The following TNRC18 variants were observed in gnomAD, a reference collection of about 807,000 sequenced individuals.
The protein encoded by TNRC18 is trinucleotide repeat-containing gene 18 protein.
In TNRC18, 69 loss-of-function variants were observed where a neutral mutation model predicts 226.7. The observed-to-expected ratio is 0.30, with a 90% CI of 0.25 to 0.37. The LOEUF (loss-of-function observed/expected upper bound fraction) is 0.37, where lower values mean the gene tolerates loss of function less well. Among genes scored for constraint, TNRC18 ranks in the 10% least tolerant of loss-of-function variants. The pLI is 1.00. For synonymous variants in TNRC18, 2,449 were observed against 1,927.6 expected, an observed-to-expected ratio of 1.27 and a Z score of -7.09; for missense variants, 4,754 against 4,256.6, an observed-to-expected ratio of 1.12 and a Z score of -3.25.
intron 19 of TNRC18, among the ~76,000 whole-genome samples, chr7:5,326,581 G>C (rs943436083): frequency 1.3e-5 from 2 of 152,086 alleles, no homozygotes; most frequent in African/African-American, 4.8e-5. Flanking sequence ...AAGTAGCTTG[G>C]ACTACAGACA....
At chr7:5,328,743 C>G (rs941870091) in intron 19 of TNRC18, among the ~76,000 whole-genome samples, 20 of 151,926 alleles carry the variant, frequency 1.3e-4, no homozygotes, top group Non-Finnish European at 2.5e-4. Context: ...AACTCCTGAC[C>G]TCGTGATCCA....
intron 5 of TNRC18, among the ~76,000 whole-genome samples, chr7:5,383,517 G>C (rs1221706890): frequency 6.6e-6 from 1 of 152,150 alleles, no homozygotes; most frequent in African/African-American, 2.4e-5. Context: ...TCTTGTTCAA[G>C]GTTACGTAGC....
intron 2 of TNRC18, among the ~76,000 whole-genome samples, chr7:5,395,044 G>A (rs1047120064): frequency 6.6e-6 from 1 of 152,162 alleles, no homozygotes; most frequent in Non-Finnish European, 1.5e-5. Context: ...GAGCTCTGCA[G>A]GCCCAGAGAG....
At position 5,332,713 on chromosome 7, in the gene TNRC18, G is replaced by A; in HGVS notation, c.6056C>T (p.Pro2019Leu). 2 of 1,527,940 alleles carry A rather than the reference G, an allele frequency of 1.3e-6. No individual in the cohort carries two copies. Among genetic ancestry groups the A allele is most frequent in the Non-Finnish European group, 1.8e-6 (2 of 1,141,708 alleles). The allele number at this position is 1,527,940 out of a possible 1,614,324, so 94.6% of individuals were successfully genotyped here. Residue 2019 changes from proline (P) to leucine (L), a missense_variant, in exon 19 of 30, where the codon CCC (proline) becomes CTC (leucine). By Grantham distance (98) the Pro-to-Leu change is moderately conservative. Transcript: ENST00000430969. ...GGCGCAGCGGCTGGTCTTGGTGGCGGGCGCGGTGCTGACGGGCGCAGGTGC... is the reference window on the plus strand; with the variant it reads ...GGCGCAGCGGCTGGTCTTGGTGGCGAGCGCGGTGCTGACGGGCGCAGGTGC... Reference protein sequence around the residue: ...AAAPAPVSTAPATKTSRCAKG... With the variant: ...AAAPAPVSTALATKTSRCAKG...
At chr7:5,318,836 G>A (rs920734657) in intron 24 of TNRC18, among the ~76,000 whole-genome samples, 5 of 152,192 alleles carry the variant, frequency 3.3e-5, no homozygotes, top group African/African-American at 1.2e-4. Flanking sequence ...AGGGTACCCA[G>A]CTCAGCTATC....
Position 5,421,061 on chromosome 7 carries a change from C to A in TNRC18, c.186G>T (p.Pro62=). The A allele has an allele frequency of 6.6e-7, 1 of 1,516,644 alleles. No homozygotes were observed. 93.9% of individuals were successfully genotyped at this position (1,516,644 alleles called of 1,614,324 possible). ...YMAGLNLHPH[P]GEAFLGSFVA... is the part of the protein sequence containing the mutation. ...ACGGGCACGGCGCGGGGCACTTACC[C>A]GGGTGCGGATGGAGATTCAGGCCGG... The change falls in exon 2 of 30, where the codon CCG becomes CCT. Residue 62 remains proline (P), a splice_region_variant and synonymous_variant. Coordinates refer to ENST00000430969, the MANE Select transcript of TNRC18 (RefSeq NM_001080495.3).
At chr7:5,322,807 G>C (rs1046680191) in intron 21 of TNRC18, among the ~76,000 whole-genome samples, 1 of 152,206 alleles carries the variant, frequency 6.6e-6, no homozygotes, top group Non-Finnish European at 1.5e-5. Context: ...CGCTGGGAGA[G>C]GGATGGGTGG....
intron 2 of TNRC18, among the ~76,000 whole-genome samples, chr7:5,402,003 G>A (rs967099227): frequency 1.1e-4 from 17 of 151,310 alleles, no homozygotes; most frequent in African/African-American, 3.4e-4. Flanking sequence ...GTGAAACCCC[G>A]TCTCTACTAA....
chr7:5,332,939 C>A lies in TNRC18; in HGVS notation c.5830G>T (p.Ala1944Ser), dbSNP rs1165338952. 7 of 1,549,856 alleles carry A rather than the reference C, an allele frequency of 4.5e-6. No individual in the cohort carries two copies. Among genetic ancestry groups the A allele is most frequent in the Non-Finnish European group, 6.1e-6 (7 of 1,155,146 alleles). The change falls in exon 19 of 30, where the codon GCC (alanine) becomes TCC (serine). Residue 1944 changes from alanine (A) to serine (S), a missense_variant. Physicochemically the swap from Ala to Ser is moderately conservative, Grantham distance 99 (BLOSUM62 1). Coordinates refer to ENST00000430969, the MANE Select transcript of TNRC18 (RefSeq NM_001080495.3). ...KGLGEPGPSL[A>S]APTPGARGPD... is the part of the protein sequence containing the mutation. Reference sequence around the variant, plus strand: ...CCGCGGGCGCCAGGCGTGGGTGCGGCCAGGGAGGGTCCCGGCTCCCCCAGC... The same window carrying A: ...CCGCGGGCGCCAGGCGTGGGTGCGGACAGGGAGGGTCCCGGCTCCCCCAGC...
chr7:5,419,012 G>C (rs1655629842), intron 2 of TNRC18, among the ~76,000 whole-genome samples: 1 of 152,248 alleles, frequency 6.6e-6, no homozygotes, highest in Non-Finnish European at 1.5e-5. Flanking sequence ...GGCGGCAGCT[G>C]TCCTCCTGCT....
At chr7:5,395,987 A>T (rs1189273116) in intron 2 of TNRC18, among the ~76,000 whole-genome samples, 1 of 141,718 alleles carries the variant, frequency 7.1e-6, no homozygotes, top group Non-Finnish European at 1.5e-5. Flanking sequence ...ACAGAGAGAG[A>T]CTCCGTCTCA....
intron 18 of TNRC18, among the ~76,000 whole-genome samples, chr7:5,333,778 G>A (rs1242115212): frequency 1.3e-5 from 2 of 152,116 alleles, no homozygotes; most frequent in Non-Finnish European, 2.9e-5. Flanking sequence ...TCCTTGGAAC[G>A]GCGCTAAGTC....
At chr7:5,341,091 C>T (rs762631918) in intron 18 of TNRC18, among the ~76,000 whole-genome samples, 13 of 151,922 alleles carry the variant, frequency 8.6e-5, no homozygotes, top group Non-Finnish European at 1.6e-4. Flanking sequence ...AAGAATGATG[C>T]TAAATCTCCT....
intron 19 of TNRC18, among the ~76,000 whole-genome samples, chr7:5,330,518 C>G (rs1232994041): frequency 6.6e-6 from 1 of 151,404 alleles, no homozygotes; most frequent in Non-Finnish European, 1.5e-5. Flanking sequence ...GGATTGCAGG[C>G]GTGAGCCACC....
chr7:5,400,120 T>A (rs1016929764), intron 2 of TNRC18, among the ~76,000 whole-genome samples: 1 of 152,054 alleles, frequency 6.6e-6, no homozygotes, highest in Admixed American at 6.6e-5. Flanking sequence ...GGGTCTAGAA[T>A]TCCTGGGCTC....
Position 5,387,954 on chromosome 7 carries a change from C to T in TNRC18, c.1870G>A (p.Ala624Thr). 1.9e-6 allele frequency: 3 copies of T among 1,597,932 alleles called. No homozygotes were observed. The highest frequency in any genetic ancestry group is 2.6e-6 in the Non-Finnish European group (3 of 1,173,374). ...GGLGTMKPEPAPTSAGASRAQ... is the reference protein window; with the variant it reads ...GGLGTMKPEPTPTSAGASRAQ... ...CGGGAGGCACCCGCAGAGGTGGGCGCAGGCTCGGGTTTCATGGTGCCCAAA... is the reference window on the plus strand; with the variant it reads ...CGGGAGGCACCCGCAGAGGTGGGCGTAGGCTCGGGTTTCATGGTGCCCAAA... The change falls in exon 5 of 30, where the codon GCG becomes ACG. Residue 624 changes from alanine (A) to threonine (T), a missense_variant. Ala to Thr is a moderately conservative substitution (Grantham distance 58). Transcript: ENST00000430969.
In TNRC18 at chr7:5,314,966, G is replaced by A; in HGVS notation, c.7027+18C>T. The A allele has an allele frequency of 1.9e-6, 3 of 1,599,780 alleles. No individual in the cohort carries two copies. Among genetic ancestry groups the A allele is most frequent in the Non-Finnish European group, 2.6e-6 (3 of 1,174,654 alleles). ...GAGATCCGCCCACCGCCCTGCCCTG[G>A]GGACCAGGCCAACCTACCACCCTTG... On this transcript the variant is annotated intron_variant, in intron 26 of 29. Transcript: ENST00000430969.
At chr7:5,319,111 G>A (rs1467237067) in intron 24 of TNRC18, among the ~76,000 whole-genome samples, 1 of 152,200 alleles carries the variant, frequency 6.6e-6, no homozygotes, top group Non-Finnish European at 1.5e-5. Context: ...GCATGTGCTA[G>A]GAAATCCGAA....
In TNRC18 at chr7:5,388,014, G is replaced by C; in HGVS notation, c.1810C>G (p.Pro604Ala). The change falls in exon 5 of 30, where the codon CCT (proline) becomes GCT (alanine). Residue 604 changes from proline (P) to alanine (A), a missense_variant. Coordinates refer to ENST00000430969, the MANE Select transcript of TNRC18 (RefSeq NM_001080495.3). ...GGGCTCTTCTTGCCACAGCCACCAG[G>C]GCGCACGGCCACGGCGTCCCGGGCA... ...SFARDAVAVR[P>A]GGCGKKSPFG... The C allele has an allele frequency of 1.9e-6, 3 of 1,579,378 alleles. No homozygotes were observed. The highest frequency in any genetic ancestry group is 2.6e-6 in the Non-Finnish European group (3 of 1,163,798).
Sources: gnomAD v4.1 joint callset for allele counts (sites outside exome capture counted in the v4.1 genomes callset) on GRCh38, gnomAD v4.1.1 for gene constraint, MANE v1.5 for transcripts, NCBI Gene and HGNC (gene_info 2026-07-23, HGNC 2026-07-21) for gene names.